Variants in GALNT17 observed in about 807,000 individuals in gnomAD.
The protein encoded by GALNT17 is polypeptide N-acetylgalactosaminyltransferase 17.
A neutral mutation model predicts 63.7 loss-of-function variants in GALNT17; 29 were observed. The ratio of observed to expected loss-of-function variants is 0.46; its 90% CI spans 0.34 to 0.62. The LOEUF (loss-of-function observed/expected upper bound fraction) is 0.62. Ranked by LOEUF, GALNT17 falls within the 20% of genes least tolerant of loss-of-function variation. The pLI is 0.01. For synonymous variants in GALNT17, 305 were observed against 318.3 expected (o/e 0.96, Z 0.45); for missense variants, 603 against 799.6 (o/e 0.75, Z 2.97).
chr7:71,170,487 G>A (rs1788528009), intron 1 of GALNT17, among the ~76,000 whole-genome samples: 3 of 151,680 alleles, frequency 2.0e-5, no homozygotes, highest in South Asian at 2.1e-4. Context: ...AGGCACATGC[G>A]ATCACCCCTG....
chr7:71,504,056 A>G (rs141569202), intron 5 of GALNT17, among the ~76,000 whole-genome samples: 87 of 152,102 alleles, frequency 5.7e-4, no homozygotes, highest in African/African-American at 2.0e-3. Flanking sequence ...GTAAAACCCC[A>G]TCTCTACCAA....
intron 1 of GALNT17, among the ~76,000 whole-genome samples, chr7:71,229,102 C>T (rs1411074145): frequency 6.6e-6 from 1 of 152,218 alleles, no homozygotes; most frequent in African/African-American, 2.4e-5. Flanking sequence ...AAGAGTCCTC[C>T]TGCCTTTTCC....
At chr7:71,517,972 T>C (rs762013978) in intron 5 of GALNT17, among the ~76,000 whole-genome samples, 2 of 152,134 alleles carry the variant, frequency 1.3e-5, no homozygotes, top group African/African-American at 2.4e-5. Context: ...CGAATTCTTA[T>C]CTCAGAGGGA....
chr7:71,631,594 A>C (rs1265685620), intron 6 of GALNT17, among the ~76,000 whole-genome samples: 1 of 152,174 alleles, frequency 6.6e-6, no homozygotes, highest in African/African-American at 2.4e-5. Context: ...CAACAAGAAC[A>C]AGCTTGGTCC....
chr7:71,654,858 G>A (rs1196146175), intron 6 of GALNT17, among the ~76,000 whole-genome samples: 3 of 152,010 alleles, frequency 2.0e-5, no homozygotes, highest in African/African-American at 4.8e-5. Context: ...GCACGATCTC[G>A]GCTCACTGCA....
At chr7:71,538,757 T>G (rs1158622836) in intron 5 of GALNT17, among the ~76,000 whole-genome samples, 3 of 151,932 alleles carry the variant, frequency 2.0e-5, no homozygotes, top group Non-Finnish European at 4.4e-5. Flanking sequence ...GGAACTCTTA[T>G]GTCCTCTGTT....
At chr7:71,196,228 T>C (rs1196410322) in intron 1 of GALNT17, among the ~76,000 whole-genome samples, 1 of 151,340 alleles carries the variant, frequency 6.6e-6, no homozygotes, top group Non-Finnish European at 1.5e-5. Context: ...AAACTCCGCC[T>C]CCAGGTTCAA....
At chr7:71,212,402 G>C (rs1789397949) in intron 1 of GALNT17, among the ~76,000 whole-genome samples, 1 of 152,228 alleles carries the variant, frequency 6.6e-6, no homozygotes, top group Non-Finnish European at 1.5e-5. Flanking sequence ...TTTGCTGCAG[G>C]GGTGGGGCCC....
chr7:71,313,513 C>G (rs529764983), intron 1 of GALNT17, among the ~76,000 whole-genome samples: 25 of 152,248 alleles, frequency 1.6e-4, no homozygotes, highest in African/African-American at 5.8e-4. Flanking sequence ...GACACATGGG[C>G]AAACAAACAG....
chr7:71,508,912 G>A (rs1306722956), intron 5 of GALNT17, among the ~76,000 whole-genome samples: 6 of 152,098 alleles, frequency 3.9e-5, no homozygotes, highest in African/African-American at 9.7e-5. Flanking sequence ...TTGTGCGTGC[G>A]CTCGTGTGCA....
At chr7:71,382,409 A>G (rs541748449) in intron 2 of GALNT17, among the ~76,000 whole-genome samples, 1 of 152,166 alleles carries the variant, frequency 6.6e-6, no homozygotes, top group South Asian at 2.1e-4. Flanking sequence ...ACAGAACAAA[A>G]CAAACAAGTG....
At chr7:71,135,025 A>C (rs1300444453) in intron 1 of GALNT17, among the ~76,000 whole-genome samples, 1 of 150,856 alleles carries the variant, frequency 6.6e-6, no homozygotes, top group Non-Finnish European at 1.5e-5. Context: ...CTAATTTTTT[A>C]ATTTTTTGTA....
At chr7:71,199,021 G>A (rs1247087692) in intron 1 of GALNT17, among the ~76,000 whole-genome samples, 1 of 152,152 alleles carries the variant, frequency 6.6e-6, no homozygotes, top group East Asian at 1.9e-4. Context: ...TGTTGATACT[G>A]TTAGTCCTGG....
chr7:71,674,990 C>G (rs572094577), intron 8 of GALNT17, among the ~76,000 whole-genome samples: 1 of 152,074 alleles, frequency 6.6e-6, no homozygotes, highest in African/African-American at 2.4e-5. Flanking sequence ...TGGAGACCAT[C>G]CTGGCCAATA....
intron 1 of GALNT17, among the ~76,000 whole-genome samples, chr7:71,162,803 A>G (rs2116257138): frequency 6.6e-6 from 1 of 152,324 alleles, no homozygotes; most frequent in Non-Finnish European, 1.5e-5. Flanking sequence ...GCTGCCAGAG[A>G]CAGCTTTCTG....
chr7:71,574,120 T>G (rs940417705), intron 6 of GALNT17, among the ~76,000 whole-genome samples: 1 of 152,262 alleles, frequency 6.6e-6, no homozygotes, highest in Non-Finnish European at 1.5e-5. Flanking sequence ...GCAATGAACA[T>G]ACGTGTGCAT....
At chr7:71,150,922 T>A (rs1042928389) in intron 1 of GALNT17, among the ~76,000 whole-genome samples, 1 of 146,098 alleles carries the variant, frequency 6.8e-6, no homozygotes, top group African/African-American at 2.6e-5. Flanking sequence ...GGGAGCAGTG[T>A]GCCATGATCA....
At chr7:71,552,216 T>C (rs960484763) in intron 5 of GALNT17, among the ~76,000 whole-genome samples, 3 of 151,970 alleles carry the variant, frequency 2.0e-5, no homozygotes, top group African/African-American at 4.8e-5. Flanking sequence ...GTCTAATTTT[T>C]GTATTTTTAG....
At position 71,259,626 on chromosome 7, in the gene GALNT17, G is replaced by GTT. The variant is rs1230386882; in HGVS notation, c.239-75921_239-75920dup. ...ATGGAGACCAACAGATCTTGGTCCT[G>GTT]TTTTGTTTTTTGTTTTTTTGTTTTT... On this transcript the variant is annotated intron_variant, in intron 1 of 10. Transcript: ENST00000333538. Among the ~76,000 whole-genome samples the GTT allele has an allele frequency of 9.5e-5, 13 of 137,152 alleles. 1 individual carries two copies. The highest frequency in any genetic ancestry group is 3.5e-4 in the African/African-American group (12 of 34,406). The allele number at this position is 137,152 out of a possible 152,430, so 90.0% of individuals were successfully genotyped here.
Sources: gnomAD v4.1 joint callset for allele counts (sites outside exome capture counted in the v4.1 genomes callset) on GRCh38, gnomAD v4.1.1 for gene constraint, MANE v1.5 for transcripts, NCBI Gene and HGNC (gene_info 2026-07-23, HGNC 2026-07-21) for gene names.